PLPP7: variants seen among roughly 807,000 people sequenced by gnomAD.
The protein encoded by PLPP7 is phospholipid phosphatase 7 (inactive).
Under a neutral mutation model 16.9 loss-of-function variants are expected in PLPP7, and 11 were observed. The ratio of observed to expected loss-of-function variants is 0.65; its 90% confidence interval spans 0.41 to 1.08. PLPP7 has a LOEUF of 1.08. Among genes scored for constraint, PLPP7 ranks in the 50% least tolerant of loss-of-function variants. The pLI, the probability that PLPP7 is intolerant of heterozygous loss-of-function variation, is 0.00. For synonymous variants in PLPP7, 174 were observed against 175.1 expected (o/e 0.99, Z 0.05); for missense variants, 358 against 397.1 (o/e 0.90, Z 0.84).
intron 1 of PLPP7, chr9:131,291,263 A>G: frequency 7.7e-7 from 1 of 1,305,432 alleles, no homozygotes; most frequent in Non-Finnish European, 1.0e-6. Flanking sequence ...CCTCCACGCC[A>G]GGCCCGCATC....
intron 1 of PLPP7, among the ~76,000 whole-genome samples, chr9:131,300,317 T>C (rs188261461): frequency 5.4e-4 from 83 of 152,314 alleles, no homozygotes; most frequent in Middle Eastern, 6.8e-3. Flanking sequence ...ATTTTATTTA[T>C]TTAGTCCCAG....
chr9:131,302,059 T>C (rs1835804721), intron 1 of PLPP7, among the ~76,000 whole-genome samples: 1 of 152,094 alleles, frequency 6.6e-6, no homozygotes, highest in Non-Finnish European at 1.5e-5. Flanking sequence ...CCTCAGGCGC[T>C]CCGTCCACCT....
chr9:131,290,421 C>A lies in PLPP7; in HGVS notation c.424C>A (p.Gln142Lys), dbSNP rs1297455466. The A allele has an allele frequency of 6.5e-7, 1 of 1,546,326 alleles. No homozygotes were observed. The highest frequency in any genetic ancestry group is 1.4e-5 in the African/African-American group (1 of 73,660). ...GGTGAAGAGCAGCACACTGGCCGGC[C>A]AGGAGGTGCTCATGAATCTGCTCCT... is the stretch of plus-strand genomic sequence containing the variant. ...CLVKSSTLAG[Q>K]EVLMNLLLAL... Residue 142 changes from glutamine to lysine, a missense_variant, in exon 1 of 2, where the codon CAG becomes AAG. Physicochemically the swap from Gln to Lys is moderately conservative, Grantham distance 53. Transcript: ENST00000372264. The surrounding 1 kb of genome is among the most constrained non-coding windows in gnomAD (Gnocchi z 4.2).
At chr9:131,291,063 G>C (rs776612256) in intron 1 of PLPP7, 2 of 1,366,432 alleles carry the variant, frequency 1.5e-6, no homozygotes, top group South Asian at 2.3e-5. Context: ...CGGGGGGCCA[G>C]TTGTGGGTTT....
At chr9:131,291,141 G>A in intron 1 of PLPP7, 2 of 1,366,446 alleles carry the variant, frequency 1.5e-6, no homozygotes, top group Non-Finnish European at 2.0e-6. Context: ...GGTGCCACGT[G>A]GGGCCCATGT....
At chr9:131,303,785 C>T (rs1384130874) in intron 1 of PLPP7, among the ~76,000 whole-genome samples, 1 of 152,198 alleles carries the variant, frequency 6.6e-6, no homozygotes, top group East Asian at 1.9e-4. Flanking sequence ...TGGTGCCTGG[C>T]CCCCTCTGGG....
intron 1 of PLPP7, among the ~76,000 whole-genome samples, chr9:131,300,543 G>A (rs1261218001): frequency 6.6e-6 from 1 of 152,026 alleles, no homozygotes; most frequent in Admixed American, 6.6e-5. Flanking sequence ...AAATTAGCCA[G>A]TTGTGGCCTG....
chr9:131,291,818 G>C (rs1346605699), intron 1 of PLPP7, among the ~76,000 whole-genome samples: 1 of 152,144 alleles, frequency 6.6e-6, no homozygotes, highest in Non-Finnish European at 1.5e-5. Flanking sequence ...CTGACCTCAG[G>C]TGATCCACCC....
Position 131,308,531 on chromosome 9 carries a change from G to A in PLPP7, c.*244G>A. 1.6e-6 allele frequency: 1 copy of A among 613,870 alleles called. No individual in the cohort carries two copies. Among genetic ancestry groups the A allele is most frequent in the Admixed American group, 3.1e-5 (1 of 31,794 alleles). The allele number at this position is 613,870 out of a possible 1,614,324, so 38.0% of individuals were successfully genotyped here. ...GGACTCCAAGTCTCCTCTCTAGGCA[G>A]CCAGGACCCACCCATGGGGACAGCC... On this transcript the variant is annotated 3_prime_UTR_variant, in exon 2 of 2. Coordinates refer to ENST00000372264, the MANE Select transcript of PLPP7 (RefSeq NM_032728.4).
intron 1 of PLPP7, among the ~76,000 whole-genome samples, chr9:131,293,178 G>A (rs1364529268): frequency 6.6e-6 from 1 of 152,194 alleles, no homozygotes; most frequent in South Asian, 2.1e-4. Context: ...GGTTCAGGAA[G>A]TAAATCCAAG....
intron 1 of PLPP7, among the ~76,000 whole-genome samples, chr9:131,298,430 G>A (rs1336458954): frequency 6.6e-6 from 1 of 152,134 alleles, no homozygotes; most frequent in African/African-American, 2.4e-5. Context: ...AGCCTGCAGG[G>A]CATCCCAGAA....
At chr9:131,299,670 G>A (rs1440967618) in intron 1 of PLPP7, among the ~76,000 whole-genome samples, 1 of 152,124 alleles carries the variant, frequency 6.6e-6, no homozygotes. Flanking sequence ...TGGTGAGGGC[G>A]AAAAGCCACG....
Position 131,289,744 on chromosome 9 carries a change from C to A in PLPP7, c.-254C>A, listed in dbSNP as rs1475131940. On this transcript the variant is annotated 5_prime_UTR_variant, in exon 1 of 2. Coordinates refer to ENST00000372264, the MANE Select transcript of PLPP7 (RefSeq NM_032728.4). ...GGCCGCAGCTGTGGACTCCTCACCT[C>A]CCGGAGGCTCTGCTGGTGCAGGCCC... 1.5e-5 allele frequency: 6 copies of A among 391,802 alleles called. No homozygotes were observed. The highest frequency in any genetic ancestry group is 6.5e-4 in the Middle Eastern group (1 of 1,530). The allele number at this position is 391,802 out of a possible 1,614,324, so 24.3% of individuals were successfully genotyped here. A position where few individuals can be genotyped will look rare whatever the true frequency, so the allele number is the denominator to read the frequency against.
chr9:131,302,686 C>T (rs1835811572), intron 1 of PLPP7, among the ~76,000 whole-genome samples: 3 of 152,206 alleles, frequency 2.0e-5, no homozygotes, highest in African/African-American at 7.2e-5. Context: ...CCTCTGTGTA[C>T]CTGCTCAGCC....
chr9:131,294,710 G>T (rs1009121373), intron 1 of PLPP7, among the ~76,000 whole-genome samples: 2 of 152,050 alleles, frequency 1.3e-5, no homozygotes, highest in Admixed American at 6.6e-5. Flanking sequence ...TGTCTCTGTT[G>T]CCCTGGCTGG....
In PLPP7 at chr9:131,296,983, C is replaced by T. The variant is rs542574571; in HGVS notation, c.451+6535C>T. Among the ~76,000 whole-genome samples the T allele has an allele frequency of 3.0e-3, 459 of 152,338 alleles. 1 individual carries two copies. Among genetic ancestry groups the T allele is most frequent in the African/African-American group, 0.011 (437 of 41,568 alleles). On this transcript the variant is annotated intron_variant, in intron 1 of 1. Coordinates refer to ENST00000372264, the MANE Select transcript of PLPP7 (RefSeq NM_032728.4). The stretch of plus-strand genomic sequence containing the variant: ...CCCAAATCTTCGCTCAGATACCCTC[C>T]TGTGGGAAACCGCACATGCTACCTC...
intron 1 of PLPP7, among the ~76,000 whole-genome samples, chr9:131,301,221 G>A (rs554224496): frequency 2.6e-5 from 4 of 152,084 alleles, no homozygotes; most frequent in Admixed American, 6.6e-5. Flanking sequence ...CACCCACCTC[G>A]GCCTCCCAGA....
chr9:131,291,847 G>C (rs983919573), intron 1 of PLPP7, among the ~76,000 whole-genome samples: 1 of 152,182 alleles, frequency 6.6e-6, no homozygotes, highest in African/African-American at 2.4e-5. Flanking sequence ...CTCCCAAAGT[G>C]CTGGGATTAT....
rs575174892 is a variant in PLPP7, at chr9:131,306,992, G to A, written c.452-931G>A. Among the ~76,000 whole-genome samples the A allele has an allele frequency of 3.3e-5, 5 of 152,194 alleles. No homozygotes were observed. The East Asian group carries it at 9.7e-4, about 29-fold the overall frequency. ...GCACAGTGGCTCACGCCTGTAATGG[G>A]TGAACACTTGGGGAGGCTGAGGCGG... On this transcript the variant is annotated intron_variant, in intron 1 of 1. Coordinates refer to ENST00000372264, the MANE Select transcript of PLPP7 (RefSeq NM_032728.4).
Sources: allele counts gnomAD v4.1 joint callset (sites outside exome capture counted in the v4.1 genomes callset), GRCh38; gene constraint gnomAD v4.1.1; non-coding constraint Gnocchi (gnomAD v3.1); transcripts MANE v1.5; gene names NCBI Gene and HGNC (gene_info 2026-07-23, HGNC 2026-07-21).